DMD: variants seen among roughly 807,000 people sequenced by gnomAD.
DMD encodes dystrophin.
A neutral mutation model predicts 330.1 loss-of-function variants in DMD; 63 were observed. The observed-to-expected ratio is 0.19, with a 90% confidence interval of 0.16 to 0.24. The LOEUF (loss-of-function observed/expected upper bound fraction) is 0.24, where lower values mean the gene tolerates loss of function less well. DMD is among the 10% of genes least tolerant of loss of function. The pLI is 1.00. For synonymous variants in DMD, 1,223 were observed against 959.8 expected (o/e 1.27, Z -5.07); for missense variants, 3,344 against 2,684.1 (o/e 1.25, Z -5.43).
At chrX:31,330,669 T>C (rs891860204) in intron 61 of DMD, among the ~76,000 whole-genome samples, 1 of 112,407 alleles carries the variant, frequency 8.9e-6, no homozygotes, top group Non-Finnish European at 1.9e-5. Context: ...CGTTAAATTA[T>C]ATGCAAAATG....
chrX:31,684,031 T>C lies in DMD; in HGVS notation c.7661-4445A>G, dbSNP rs774046549. Among the ~76,000 whole-genome samples, 12 of 111,958 alleles carry C rather than the reference T, an allele frequency of 1.1e-4. No homozygotes were observed. The South Asian group carries it at 2.6e-3, about 24-fold the overall frequency. ...TGGTCTAAGGTCACATAGATAGTGA[T>C]TGTTAGAGCCGACACTTGGATTCAA... is the stretch of plus-strand genomic sequence containing the variant. On this transcript the variant is annotated intron_variant, in intron 52 of 78. Coordinates refer to ENST00000357033, the MANE Select transcript of DMD (RefSeq NM_004006.3).
intron 64 of DMD, among the ~76,000 whole-genome samples, chrX:31,213,540 G>A (rs2044991878): frequency 8.9e-6 from 1 of 111,941 alleles, no homozygotes; most frequent in South Asian, 3.8e-4. Context: ...AAAATGCATC[G>A]TGGTGTGGCT....
intron 44 of DMD, among the ~76,000 whole-genome samples, chrX:32,058,738 C>T (rs1049816249): frequency 2.7e-5 from 3 of 110,874 alleles, no homozygotes; most frequent in Middle Eastern, 4.6e-3. Context: ...CTAGCAATCC[C>T]GCATCTGGAT....
intron 2 of DMD, among the ~76,000 whole-genome samples, chrX:33,010,125 T>C (rs1484273840): frequency 1.9e-5 from 2 of 104,305 alleles, no homozygotes; most frequent in South Asian, 4.1e-4. Flanking sequence ...CACATGTGTG[T>C]ATATATGTAT....
chrX:32,849,641 A>T, intron 3 of DMD, 87 bp downstream of exon 3: 1 of 694,559 alleles, frequency 1.4e-6, no homozygotes, highest in Non-Finnish European at 2.3e-6. Flanking sequence ...TAGTCATTCT[A>T]CTAGATGTCA....
intron 20 of DMD, among the ~76,000 whole-genome samples, chrX:32,486,343 G>T (rs867612495): frequency 9.0e-6 from 1 of 111,704 alleles, no homozygotes; most frequent in Admixed American, 9.6e-5. Context: ...GATGAATCAG[G>T]TTAAATAAAA....
At chrX:31,915,623 A>C (rs2094599908) in intron 47 of DMD, among the ~76,000 whole-genome samples, 1 of 112,026 alleles carries the variant, frequency 8.9e-6, no homozygotes, top group Non-Finnish European at 1.9e-5. Flanking sequence ...GGAAACACTT[A>C]ATAAATACTG....
intron 55 of DMD, among the ~76,000 whole-genome samples, chrX:31,569,704 T>C (rs746171609): frequency 1.1e-5 from 1 of 92,171 alleles, no homozygotes; most frequent in African/African-American, 3.9e-5. Context: ...GACTCTCCTT[T>C]GAACCAACTG....
intron 7 of DMD, among the ~76,000 whole-genome samples, chrX:32,721,627 C>T (rs2066325595): frequency 9.0e-6 from 1 of 110,771 alleles, no homozygotes; most frequent in Non-Finnish European, 1.9e-5. Flanking sequence ...ATATGTTTTG[C>T]AAATATCTAC....
chrX:33,088,428 C>T (rs1381294990), intron 1 of DMD, among the ~76,000 whole-genome samples: 3 of 112,221 alleles, frequency 2.7e-5, no homozygotes, highest in Non-Finnish European at 5.6e-5. Context: ...TTTAATTCTT[C>T]TGTACTTTGT....
intron 44 of DMD, among the ~76,000 whole-genome samples, chrX:32,182,142 C>T (rs1372502859): frequency 9.0e-6 from 1 of 111,677 alleles, no homozygotes; most frequent in Admixed American, 9.6e-5. Context: ...ATTATGCTCC[C>T]TCTCTTGTTC....
chrX:32,759,846 G>C (rs1203918502), intron 7 of DMD, among the ~76,000 whole-genome samples: 73 of 4,027 alleles, frequency 0.018, no homozygotes, highest in Non-Finnish European at 0.041. Flanking sequence ...TTTTTCTTGG[G>C]GGGGGGGGGG....
At chrX:32,479,967 G>A (rs766040004) in intron 21 of DMD, among the ~76,000 whole-genome samples, 2 of 111,069 alleles carry the variant, frequency 1.8e-5, no homozygotes, top group African/African-American at 3.3e-5. Flanking sequence ...ACAGAGTGAA[G>A]AGGCAGCTCA....
chrX:33,326,890 G>T lies in DMD; in HGVS notation c.7+12369C>A, dbSNP rs185659606. Among the ~76,000 whole-genome samples, 192 of 110,885 alleles carry T rather than the reference G, an allele frequency of 1.7e-3. 1 individual carries two copies. Among genetic ancestry groups the T allele is most frequent in the African/African-American group, 6.1e-3 (186 of 30,551 alleles). On this transcript the variant is annotated intron_variant, in intron 1 of 17. Transcript: ENST00000288447. Reference sequence around the variant, plus strand: ...TGGAGGGGGGATGGCAGAGCTAAAAGAAATTTAGGATACAAATAGGAGAAA... The same window carrying T: ...TGGAGGGGGGATGGCAGAGCTAAAATAAATTTAGGATACAAATAGGAGAAA...
chrX:32,919,572 G>A (rs574526982), intron 2 of DMD, among the ~76,000 whole-genome samples: 321 of 111,491 alleles, frequency 2.9e-3, no homozygotes, highest in African/African-American at 0.01. Flanking sequence ...GTCCCGATTT[G>A]TTATATTTTA....
At chrX:31,709,397 A>T (rs1000278487) in intron 52 of DMD, among the ~76,000 whole-genome samples, 2 of 111,910 alleles carry the variant, frequency 1.8e-5, no homozygotes, top group African/African-American at 6.5e-5. Flanking sequence ...CTTAATTTTC[A>T]ATTGATTCCT....
At chrX:33,138,025 C>G (rs1252594899) in intron 1 of DMD, among the ~76,000 whole-genome samples, 1 of 110,597 alleles carries the variant, frequency 9.0e-6, no homozygotes, top group Admixed American at 9.7e-5. Context: ...GAGGTAGGTG[C>G]TATTATTAAC....
At chrX:32,407,249 A>T (rs1395992579) in intron 30 of DMD, among the ~76,000 whole-genome samples, 21 of 111,700 alleles carry the variant, frequency 1.9e-4, no homozygotes, top group Non-Finnish European at 3.2e-4. Flanking sequence ...TAATATCCAG[A>T]ATCTACAATG....
chrX:31,512,012 A>G (rs1182301345), intron 55 of DMD, among the ~76,000 whole-genome samples: 2 of 109,003 alleles, frequency 1.8e-5, no homozygotes, highest in African/African-American at 6.7e-5. Flanking sequence ...CCTGACTTTT[A>G]AATGATTGCC....
Sources: allele counts gnomAD v4.1 joint callset (sites outside exome capture counted in the v4.1 genomes callset), GRCh38; gene constraint gnomAD v4.1.1; transcripts MANE v1.5; gene names NCBI Gene and HGNC (gene_info 2026-07-23, HGNC 2026-07-21).